The following BPIFB3 variants were observed in gnomAD, a reference collection of about 807,000 sequenced individuals.
BPIFB3 encodes BPI fold containing family B member 3.
BPIFB3 carries 49 observed loss-of-function variants against 53.1 expected under a neutral mutation model. That is an observed-to-expected ratio of 0.92 (90% CI 0.73 to 1.17). BPIFB3 has a LOEUF of 1.17. BPIFB3 is among the 50% of genes most tolerant of loss of function. The pLI, the probability that BPIFB3 is intolerant of heterozygous loss-of-function variation, is 0.00. For synonymous variants in BPIFB3, 271 were observed against 269.6 expected (o/e 1.01, Z -0.05); for missense variants, 628 against 592.5 (o/e 1.06, Z -0.62).
In BPIFB3 at chr20:33,068,980, G is replaced by A. The variant is rs771518712; in HGVS notation, c.1149+7G>A. 6.2e-7 allele frequency: 1 copy of A among 1,608,032 alleles called. No individual in the cohort carries two copies. Among genetic ancestry groups the A allele is most frequent in the Admixed American group, 1.7e-5 (1 of 59,676 alleles). On this transcript the variant is annotated splice_region_variant and intron_variant, in intron 10 of 14. Transcript: ENST00000375494. ...CCTCTTTGAGCTGAACTCCGTGAGT[G>A]GTCAAGGGGTGGCTGGGGGCCCGGC...
exon 10 of BPIFB3, chr20:33,068,823 G>C: frequency 6.2e-7 from 1 of 1,613,798 alleles, no homozygotes; most frequent in Non-Finnish European, 8.5e-7. Flanking sequence ...AGCTGCCCCT[G>C]CACCAGCAAC....
At chr20:33,064,738 A>G in exon 8 of BPIFB3, 1 of 1,614,088 alleles carries the variant, frequency 6.2e-7, no homozygotes, top group South Asian at 1.1e-5. Flanking sequence ...GGTGCCCCCC[A>G]AGAAGGACCA....
intron 8 of BPIFB3, 68 bp downstream of exon 9, chr20:33,064,913 T>C (rs1401638311): frequency 6.6e-7 from 1 of 1,526,150 alleles, no homozygotes; most frequent in African/African-American, 1.4e-5. Flanking sequence ...ATTACTAGTG[T>C]TGACCTAGGC....
intron 4 of BPIFB3, among the ~76,000 whole-genome samples, chr20:33,060,439 C>T (rs1477263715): frequency 1.3e-5 from 2 of 152,216 alleles, no homozygotes; most frequent in East Asian, 3.9e-4. Context: ...CCATTCTGGG[C>T]CCCCATGTCC....
intron 8 of BPIFB3, among the ~76,000 whole-genome samples, chr20:33,066,284 G>A (rs193199989): frequency 2.6e-5 from 4 of 152,184 alleles, no homozygotes; most frequent in Non-Finnish European, 5.9e-5. Flanking sequence ...GGGGGTGCAG[G>A]CTCAGTGTGA....
At chr20:33,062,517 A>T (rs922046425) in intron 5 of BPIFB3, among the ~76,000 whole-genome samples, 1 of 152,226 alleles carries the variant, frequency 6.6e-6, no homozygotes, top group African/African-American at 2.4e-5. Flanking sequence ...GAAGCTTAGC[A>T]GGAGGAGGGG....
chr20:33,066,662 A>G (rs571284205), intron 8 of BPIFB3, among the ~76,000 whole-genome samples, 162 bp from the exon 10 acceptor site: 95 of 152,360 alleles, frequency 6.2e-4, no homozygotes, highest in African/African-American at 2.2e-3. Context: ...GTAAGTGCTC[A>G]GTAATTGCTA....
intron 10 of BPIFB3, among the ~76,000 whole-genome samples, chr20:33,069,462 T>C (rs1429203941): frequency 6.6e-6 from 1 of 152,176 alleles, no homozygotes; most frequent in Non-Finnish European, 1.5e-5. Context: ...CCTTGTCCCC[T>C]AAGCCTCAGC....
At chr20:33,069,046 G>C (rs1352083789) in intron 10 of BPIFB3, 73 bp downstream of exon 11, 6 of 1,505,812 alleles carry the variant, frequency 4.0e-6, no homozygotes, top group Non-Finnish European at 5.4e-6. Context: ...CAGGACTGTG[G>C]AGGTACCGTC....
At chr20:33,060,658 C>T (rs1320619717) in intron 4 of BPIFB3, among the ~76,000 whole-genome samples, 1 of 152,148 alleles carries the variant, frequency 6.6e-6, no homozygotes, top group Non-Finnish European at 1.5e-5. Flanking sequence ...CAACCTCTGC[C>T]TCCCGGCTTC....
chr20:33,070,053 A>G (rs1980822046), intron 11 of BPIFB3, 98 bp downstream of exon 12: 1 of 1,393,742 alleles, frequency 7.2e-7, no homozygotes, highest in Admixed American at 1.7e-5. Context: ...GCATCAGCGC[A>G]ATTCCAGGTG....
intron 11 of BPIFB3, 112 bp downstream of exon 12, chr20:33,070,067 T>A: frequency 4.7e-6 from 6 of 1,279,568 alleles, no homozygotes; most frequent in Non-Finnish European, 6.8e-6. Context: ...CCAGGTGTTT[T>A]TCCAGCATCC....
At chr20:33,059,835 G>T in intron 3 of BPIFB3, 56 bp from the exon 5 acceptor site, 1 of 1,588,078 alleles carries the variant, frequency 6.3e-7, no homozygotes, top group South Asian at 1.1e-5. Context: ...CCTGGTGGGC[G>T]GGGCCAAGGG....
chr20:33,064,822 G>A lies in BPIFB3; in HGVS notation c.901G>A (p.Asp301Asn), dbSNP rs139513207. 1,236 of 1,613,170 alleles carry A rather than the reference G, an allele frequency of 7.7e-4. 5 individuals are homozygous for A. Among genetic ancestry groups the A allele is most frequent in the African/African-American group, 2.8e-3 (210 of 75,028 alleles). ...ACTCCTGCAGACCAACGGCGCCCTC[G>A]ACATGGACATCACCCCTGAGCTGGT... Residue 301 changes from aspartate (D) to asparagine (N), a missense_variant, in exon 8 of 15, where the codon GAC becomes AAC. Physicochemically the swap from Asp to Asn is conservative, Grantham distance 23. Transcript: ENST00000375494.
At chr20:33,055,339 G>A, upstream of BPIFB3, 1 of 1,569,994 alleles carries the variant, frequency 6.4e-7, no homozygotes, top group South Asian at 1.1e-5. Context: ...GGGCAGGAAG[G>A]GGGAAGGCTG....
rs202072797 is a variant in BPIFB3, at chr20:33,056,679, G to A, written c.262G>A (p.Val88Ile). ...GCTGGGCCACGGAGGGGTTTTTGGC[G>A]TTGTCGAGGAGCTCTCTGGGTGAGT... is the stretch of plus-strand genomic sequence containing the variant. Residue 88 changes from valine to isoleucine, a missense_variant, in exon 2 of 15, where the codon GTT (valine) becomes ATT (isoleucine). Transcript: ENST00000375494. 3.6e-5 allele frequency: 58 copies of A among 1,604,528 alleles called. No homozygotes were observed. The South Asian group carries it at 4.6e-4, about 13-fold the overall frequency.
chr20:33,070,377 G>A (rs772857562), intron 11 of BPIFB3, among the ~76,000 whole-genome samples: 7 of 152,204 alleles, frequency 4.6e-5, no homozygotes, highest in Non-Finnish European at 7.3e-5. Context: ...GTAACTAGGC[G>A]TCCATCAAGA....
intron 10 of BPIFB3, among the ~76,000 whole-genome samples, 160 bp downstream of exon 11, chr20:33,069,133 G>A (rs1027617477): frequency 4.6e-5 from 7 of 152,164 alleles, no homozygotes; most frequent in Non-Finnish European, 1.0e-4. Flanking sequence ...TCATCATCTG[G>A]GCTGAGACCC....
In BPIFB3 at chr20:33,059,495, T is replaced by G; in HGVS notation, c.386+13T>G. 2 of 1,588,442 alleles carry G rather than the reference T, an allele frequency of 1.3e-6. No individual in the cohort carries two copies. Among genetic ancestry groups the G allele is most frequent in the Non-Finnish European group, 1.7e-6 (2 of 1,162,092 alleles). On this transcript the variant is annotated intron_variant, in intron 3 of 14. Transcript: ENST00000375494. ...TGCATTGCTCTGGGTGAGTGTGTCC[T>G]GGGGACCTCTACCCTCCTGCTTCCT...
Sources: allele counts gnomAD v4.1 joint callset (sites outside exome capture counted in the v4.1 genomes callset), GRCh38; gene constraint gnomAD v4.1.1; transcripts MANE v1.5; gene names NCBI Gene and HGNC (gene_info 2026-07-23, HGNC 2026-07-21).